The following PDXDC1 variants were observed in gnomAD, a reference collection of about 807,000 sequenced individuals.
PDXDC1 encodes pyridoxal-dependent decarboxylase domain-containing protein 1.
Under a neutral mutation model 100.1 loss-of-function variants are expected in PDXDC1, and 42 were observed. That is an observed-to-expected ratio of 0.42 (90% CI 0.33 to 0.54). PDXDC1 has a LOEUF of 0.54. PDXDC1 is among the 20% of genes least tolerant of loss of function. The probability of loss-of-function intolerance (pLI) is 0.10; values close to 1 mark genes in which losing one functional copy is unlikely to be tolerated. For missense variants in PDXDC1, 636 were observed against 979.2 expected, an observed-to-expected ratio of 0.65 and a Z score of 4.68; for synonymous variants, 260 against 371.7, an observed-to-expected ratio of 0.70 and a Z score of 3.46.
intron 19 of PDXDC1, among the ~76,000 whole-genome samples, chr16:15,033,696 C>T (rs2043212158): frequency 6.6e-6 from 1 of 152,164 alleles, no homozygotes; most frequent in South Asian, 2.1e-4. Flanking sequence ...CACATTCACC[C>T]CTGCCACCAA....
intron 16 of PDXDC1, chr16:15,047,769 C>T (rs2044134984): frequency 2.6e-6 from 3 of 1,171,862 alleles, no homozygotes; most frequent in Non-Finnish European, 3.9e-6. Flanking sequence ...TCCAACAAGA[C>T]ACCAGGAAAC....
intron 16 of PDXDC1, chr16:15,074,531 G>C (rs191278304): frequency 1.4e-4 from 66 of 467,080 alleles, no homozygotes; most frequent in African/African-American, 1.3e-3. Flanking sequence ...ATATAACTCA[G>C]CCAGAATCCC....
At chr16:15,089,024 C>G (rs989524197) in intron 16 of PDXDC1, among the ~76,000 whole-genome samples, 1 of 152,034 alleles carries the variant, frequency 6.6e-6, no homozygotes, top group South Asian at 2.1e-4. Flanking sequence ...AAGTCTAGGC[C>G]GGGTGGAGTG....
intron 16 of PDXDC1, chr16:15,085,795 A>G (rs2045895052): frequency 3.3e-5 from 50 of 1,506,244 alleles, no homozygotes; most frequent in Non-Finnish European, 4.5e-5. Context: ...GAACAGCTAT[A>G]AAAAAAGTTA....
At chr16:15,131,171 C>G in intron 16 of PDXDC1, 1 of 1,588,470 alleles carries the variant, frequency 6.3e-7, no homozygotes, top group Non-Finnish European at 8.6e-7. Flanking sequence ...CCGACGGAGG[C>G]CTGGGGCTGG....
intron 19 of PDXDC1, 41 bp downstream of exon 19, chr16:15,033,440 T>C: frequency 6.2e-7 from 1 of 1,602,686 alleles, no homozygotes; most frequent in Non-Finnish European, 8.5e-7. Flanking sequence ...TTCTGAGTTT[T>C]GTCCCACCAA....
the PDXDC1 span, among the ~76,000 whole-genome samples, chr16:15,151,932 A>C: frequency 6.5e-5 from 1 of 15,320 alleles, no homozygotes; most frequent in Non-Finnish European, 3.0e-4. Context: ...CTCTGTCTCA[A>C]AAAAAAAAAA....
intron 1 of PDXDC1, among the ~76,000 whole-genome samples, chr16:14,991,107 G>C (rs1307666221): frequency 6.6e-6 from 1 of 152,284 alleles, no homozygotes; most frequent in Non-Finnish European, 1.5e-5. Context: ...TCCAGAGTCA[G>C]AGATTCACCT....
At chr16:15,147,382 C>CAA in the PDXDC1 span, among the ~76,000 whole-genome samples, 1 of 152,184 alleles carries the variant, frequency 6.6e-6, no homozygotes, top group Non-Finnish European at 1.5e-5. Flanking sequence ...CACGGCTTCT[C>CAA]AGAGCCTCAA....
intron 1 of PDXDC1, among the ~76,000 whole-genome samples, chr16:14,984,781 C>T (rs1160398896): frequency 3.3e-5 from 5 of 152,242 alleles, no homozygotes; most frequent in East Asian, 3.9e-4. Flanking sequence ...CATGAGCCAC[C>T]GCTGCCAGCC....
intron 16 of PDXDC1, among the ~76,000 whole-genome samples, chr16:15,090,873 G>GTTTTTTTTTT (rs4012873): frequency 3.9e-5 from 5 of 128,194 alleles, no homozygotes; most frequent in Non-Finnish European, 3.4e-5. Flanking sequence ...TCAGTGGTTT[G>GTTTTTTTTTT]TTTTTTTTTT....
intron 21 of PDXDC1, 24 bp from the exon 22 acceptor site, chr16:15,035,425 A>T: frequency 6.8e-7 from 1 of 1,477,452 alleles, no homozygotes; most frequent in Non-Finnish European, 9.3e-7. Flanking sequence ...TGTAGCTTCT[A>T]CCCAGCCCTC....
chr16:15,146,287 G>T, the PDXDC1 span, among the ~76,000 whole-genome samples: 67 of 152,264 alleles, frequency 4.4e-4, no homozygotes, highest in Middle Eastern at 0.027. Flanking sequence ...CCTCCCCAAA[G>T]CTCCCAAAGG....
chr16:15,067,058 C>G (rs1200490666), intron 16 of PDXDC1, among the ~76,000 whole-genome samples: 3 of 143,170 alleles, frequency 2.1e-5, no homozygotes, highest in Non-Finnish European at 4.6e-5. Flanking sequence ...GTGCTGAAGC[C>G]TCCACCCACT....
At chr16:15,027,257 T>G (rs1279142482) in intron 14 of PDXDC1, among the ~76,000 whole-genome samples, 3 of 152,286 alleles carry the variant, frequency 2.0e-5, no homozygotes, top group Non-Finnish European at 4.4e-5. Context: ...GATGGGGGTG[T>G]GGCTCGCTTC....
chr16:15,111,178 C>T (rs2047042141), intron 16 of PDXDC1, among the ~76,000 whole-genome samples: 1 of 148,956 alleles, frequency 6.7e-6, no homozygotes, highest in Non-Finnish European at 1.5e-5. Flanking sequence ...AATGACGAGG[C>T]TGGCATGTTG....
downstream of PDXDC1, among the ~76,000 whole-genome samples, chr16:15,143,370 C>T (rs577069176): frequency 1.1e-4 from 16 of 152,346 alleles, no homozygotes; most frequent in East Asian, 2.7e-3. Context: ...ACCCCTGTCA[C>T]AGGTGGGGCC....
intron 16 of PDXDC1, among the ~76,000 whole-genome samples, chr16:15,075,790 G>A (rs1393477750): frequency 6.6e-6 from 1 of 152,098 alleles, no homozygotes; most frequent in African/African-American, 2.4e-5. Context: ...ACCATGGCGG[G>A]TGCTTTTGGT....
At chr16:15,030,282 C>T (rs1413779052) in intron 16 of PDXDC1, among the ~76,000 whole-genome samples, 8 of 152,258 alleles carry the variant, frequency 5.3e-5, no homozygotes, top group African/African-American at 1.7e-4. Context: ...TGGTGGCTCA[C>T]ACCTGTAATC....
Sources: gnomAD v4.1 joint callset for allele counts (sites outside exome capture counted in the v4.1 genomes callset) on GRCh38, gnomAD v4.1.1 for gene constraint, MANE v1.5 for transcripts, NCBI Gene and HGNC (gene_info 2026-07-23, HGNC 2026-07-21) for gene names.